RAB30: variants seen among roughly 807,000 people sequenced by gnomAD.
The protein encoded by RAB30 is RAB30, member RAS oncogene family.
Under a neutral mutation model 25.1 loss-of-function variants are expected in RAB30, and 9 were observed. The ratio of observed to expected loss-of-function variants is 0.36; its 90% CI spans 0.22 to 0.63. RAB30 has a LOEUF of 0.63. Among genes scored for constraint, RAB30 ranks in the 20% least tolerant of loss-of-function variants. RAB30 has a pLI of 0.69. For missense variants in RAB30, 140 were observed against 243.5 expected (o/e 0.58, Z 2.83); for synonymous variants, 77 against 86.4 (o/e 0.89, Z 0.60).
chr11:82,991,239 T>C lies in RAB30; in HGVS notation c.177+2800A>G, dbSNP rs117307649. ...AGGATGACAGGCTGGATGTGGTATCTCATGCCTGTAATCCCAGCACTGTGG... is the reference window on the plus strand; with the variant it reads ...AGGATGACAGGCTGGATGTGGTATCCCATGCCTGTAATCCCAGCACTGTGG... On this transcript the variant is annotated intron_variant, in intron 3 of 4. Coordinates refer to ENST00000527633, the MANE Select transcript of RAB30 (RefSeq NM_001286060.2). Among the ~76,000 whole-genome samples, 723 of 152,278 alleles carry C rather than the reference T, an allele frequency of 4.7e-3. 20 individuals are homozygous for C. In the East Asian group the frequency reaches 0.051, roughly 11 times the overall value.
At position 82,982,037 on chromosome 11, in the gene RAB30, G is replaced by T; in HGVS notation, c.*128C>A. 1 of 1,320,248 alleles carries T rather than the reference G, an allele frequency of 7.6e-7. No individual in the cohort carries two copies. The highest frequency in any genetic ancestry group is 1.0e-6 in the Non-Finnish European group (1 of 956,348). 81.8% of individuals were successfully genotyped at this position (1,320,248 alleles called of 1,614,324 possible). ...CGAGGCCCTTGGCCTGCCATGCTTT[G>T]TAAGCTCAGGAGCCCACAGGAGTCA... On this transcript the variant is annotated 3_prime_UTR_variant, in exon 5 of 5. Transcript: ENST00000527633.
At chr11:83,065,572 T>C (rs1184922638) in intron 1 of RAB30, among the ~76,000 whole-genome samples, 1 of 152,112 alleles carries the variant, frequency 6.6e-6, no homozygotes, top group Admixed American at 6.6e-5. Flanking sequence ...CATGGTTAGA[T>C]TTAAGTTAAG....
chr11:83,048,756 T>C (rs1184510422), intron 1 of RAB30, among the ~76,000 whole-genome samples: 1 of 152,244 alleles, frequency 6.6e-6, no homozygotes, highest in Non-Finnish European at 1.5e-5. Flanking sequence ...ATTAGGTTCA[T>C]GCTGTCTGAG....
At position 82,977,567 on chromosome 11, in the gene RAB30, C is replaced by T. The variant is rs1348122767; in HGVS notation, c.*4598G>A. 2 of 152,212 alleles carry T rather than the reference C, an allele frequency of 1.3e-5. No individual in the cohort carries two copies. The highest frequency in any genetic ancestry group is 2.9e-5 in the Non-Finnish European group (2 of 68,046). 9.4% of individuals were successfully genotyped at this position (152,212 alleles called of 1,614,324 possible). On this transcript the variant is annotated 3_prime_UTR_variant, in exon 5 of 5. Coordinates refer to ENST00000527633, the MANE Select transcript of RAB30 (RefSeq NM_001286060.2). ...AACTTTTTGAGAATGGTCGCCCTGA[C>T]ATGGAACCCAAATCTGTGTCCCTAC...
Position 82,973,790 on chromosome 11 carries a change from A to G in RAB30, c.*8375T>C, listed in dbSNP as rs1168840341. On this transcript the variant is annotated 3_prime_UTR_variant, in exon 5 of 5. Transcript: ENST00000527633. ...AAGAGAGATGTGAAAACATACACCC[A>G]TACAAAAAACTTTTACATAAATGTT... 1 of 152,250 alleles carries G rather than the reference A, an allele frequency of 6.6e-6. No homozygotes were observed. The highest frequency in any genetic ancestry group is 1.5e-5 in the Non-Finnish European group (1 of 68,030). 9.4% of individuals were successfully genotyped at this position (152,250 alleles called of 1,614,324 possible).
intron 1 of RAB30, among the ~76,000 whole-genome samples, chr11:83,062,913 G>GAA (rs963142123): frequency 2.7e-5 from 4 of 150,046 alleles, no homozygotes; most frequent in African/African-American, 9.8e-5. Context: ...TGAGGCAAGA[G>GAA]AATCGCTTGA....
chr11:83,048,342 C>T (rs1341581934), intron 1 of RAB30, among the ~76,000 whole-genome samples: 2 of 151,894 alleles, frequency 1.3e-5, no homozygotes, highest in East Asian at 3.9e-4. Flanking sequence ...TGTGGTGGCA[C>T]ATGCCTGTAG....
chr11:83,059,397 CAGTTTCAT>C (rs1209608793), intron 1 of RAB30, among the ~76,000 whole-genome samples: 3 of 152,154 alleles, frequency 2.0e-5, no homozygotes, highest in African/African-American at 7.2e-5. Context: ...TTCTTGTTTG[CAGTTTCAT>C]AGTTTTCCCT....
At chr11:83,018,102 C>T (rs1432978974) in intron 1 of RAB30, among the ~76,000 whole-genome samples, 1 of 151,946 alleles carries the variant, frequency 6.6e-6, no homozygotes, top group African/African-American at 2.4e-5. Flanking sequence ...AGATTGAGAC[C>T]ATCCTGGCCA....
intron 1 of RAB30, among the ~76,000 whole-genome samples, chr11:82,998,126 T>G (rs1483620276): frequency 6.6e-6 from 1 of 152,180 alleles, no homozygotes; most frequent in Non-Finnish European, 1.5e-5. Context: ...CTGTATACAA[T>G]TGTTTGTTCA....
At chr11:83,024,089 G>C (rs1200084597) in intron 1 of RAB30, among the ~76,000 whole-genome samples, 1 of 152,174 alleles carries the variant, frequency 6.6e-6, no homozygotes, top group East Asian at 1.9e-4. Context: ...TGCAGCCCCA[G>C]TACTTACTTC....
chr11:83,064,113 G>GTTAT (rs1490857697), intron 1 of RAB30, among the ~76,000 whole-genome samples: 3 of 130,714 alleles, frequency 2.3e-5, no homozygotes, highest in African/African-American at 9.5e-5. Context: ...TTAATCTTAT[G>GTTAT]TTATTTCTTT....
rs1555035139 is a variant in RAB30 at position 83,014,654 on chromosome 11, G to GA, written c.-8-17331dup. Among the ~76,000 whole-genome samples the GA allele has an allele frequency of 3.0e-5, 4 of 135,144 alleles. No homozygotes were observed. The East Asian group carries it at 8.6e-4, about 29-fold the overall frequency. The allele number at this position is 135,144 out of a possible 152,430, so 88.7% of individuals were successfully genotyped here. On this transcript the variant is annotated intron_variant, in intron 1 of 4. Coordinates refer to ENST00000527633, the MANE Select transcript of RAB30 (RefSeq NM_001286060.2). ...TAAGAAAAAGAAAGAAAGAAAGAAA[G>GA]AAAGAAAGAAAGAAAGAAAGAAAGA...
chr11:83,014,998 C>T (rs1049264630), intron 1 of RAB30, among the ~76,000 whole-genome samples: 2 of 152,142 alleles, frequency 1.3e-5, no homozygotes, highest in African/African-American at 4.8e-5. Flanking sequence ...GACACTGAGG[C>T]TGAGCACATG....
At chr11:83,023,786 A>G (rs1857642430) in intron 1 of RAB30, among the ~76,000 whole-genome samples, 1 of 152,220 alleles carries the variant, frequency 6.6e-6, no homozygotes, top group Non-Finnish European at 1.5e-5. Flanking sequence ...TTTATAGCCC[A>G]GTAACAGTGA....
chr11:83,012,793 A>G (rs1857332243), intron 1 of RAB30, among the ~76,000 whole-genome samples: 1 of 152,152 alleles, frequency 6.6e-6, no homozygotes, highest in South Asian at 2.1e-4. Flanking sequence ...AGCCCTCCAC[A>G]GCCCAGCACC....
In RAB30 at chr11:82,974,853, G is replaced by A. The variant is rs1856514758; in HGVS notation, c.*7312C>T. On this transcript the variant is annotated 3_prime_UTR_variant, in exon 5 of 5. Transcript: ENST00000527633. Reference sequence around the variant, plus strand: ...AGTCATGCATTAAAAGTGTGTACAAGATATATGGGGCACACTTTTCCCTTC... The same window carrying A: ...AGTCATGCATTAAAAGTGTGTACAAAATATATGGGGCACACTTTTCCCTTC... 1 of 151,420 alleles carries A rather than the reference G, an allele frequency of 6.6e-6. No homozygotes were observed. Among genetic ancestry groups the A allele is most frequent in the Non-Finnish European group, 1.5e-5 (1 of 67,886 alleles). 9.4% of individuals were successfully genotyped at this position (151,420 alleles called of 1,614,324 possible).
intron 1 of RAB30, among the ~76,000 whole-genome samples, chr11:83,001,033 C>T (rs141120962): frequency 0.019 from 2,122 of 111,676 alleles, 71 homozygotes; most frequent in African/African-American, 0.073. Flanking sequence ...GGCGACAGAA[C>T]GAGACTCCGT....
intron 1 of RAB30, among the ~76,000 whole-genome samples, chr11:83,045,716 TACTGTCAGA>T (rs1858219843): frequency 6.6e-6 from 1 of 152,234 alleles, no homozygotes; most frequent in Non-Finnish European, 1.5e-5. Context: ...TACATTGAGT[TACTGTCAGA>T]ACTGAGATTA....
Sources: gnomAD v4.1 joint callset for allele counts (sites outside exome capture counted in the v4.1 genomes callset) on GRCh38, gnomAD v4.1.1 for gene constraint, MANE v1.5 for transcripts, NCBI Gene and HGNC (gene_info 2026-07-23, HGNC 2026-07-21) for gene names.